Variants in FHIT observed in about 807,000 individuals in gnomAD.
FHIT encodes the protein fragile histidine triad diadenosine triphosphatase.
Under a neutral mutation model 17.9 loss-of-function variants are expected in FHIT, and 19 were observed. That is an observed-to-expected ratio of 1.06 (90% confidence interval 0.74 to 1.56). The LOEUF (loss-of-function observed/expected upper bound fraction) is 1.56. FHIT is among the 40% of genes most tolerant of loss of function. The probability of loss-of-function intolerance (pLI) is 0.00; values close to 1 mark genes in which losing one functional copy is unlikely to be tolerated. For synonymous variants in FHIT, 81 were observed against 69.7 expected, an observed-to-expected ratio of 1.16 and a Z score of -0.81; for missense variants, 248 against 189.2, an observed-to-expected ratio of 1.31 and a Z score of -1.82.
chr3:61,185,638 G>C (rs1161916622), intron 2 of FHIT, among the ~76,000 whole-genome samples: 1 of 152,144 alleles, frequency 6.6e-6, no homozygotes, highest in Non-Finnish European at 1.5e-5. Flanking sequence ...ACTGCAGCAG[G>C]AGATGAGGAT....
intron 5 of FHIT, among the ~76,000 whole-genome samples, chr3:60,214,578 G>T (rs1703609727): frequency 6.6e-6 from 1 of 152,090 alleles, no homozygotes; most frequent in Non-Finnish European, 1.5e-5. Context: ...ATGTAAATTA[G>T]TTCACTCACT....
intron 5 of FHIT, among the ~76,000 whole-genome samples, chr3:60,169,285 C>G: frequency 6.6e-6 from 1 of 152,156 alleles, no homozygotes. Context: ...GATCTCACAG[C>G]TTTCAGGGGT....
intron 1 of FHIT, among the ~76,000 whole-genome samples, chr3:61,208,072 A>G (rs2039313123): frequency 6.6e-6 from 1 of 151,362 alleles, no homozygotes; most frequent in African/African-American, 2.4e-5. Flanking sequence ...TTCGTTATGT[A>G]CCCCATAGTC....
intron 5 of FHIT, among the ~76,000 whole-genome samples, chr3:60,206,621 G>C (rs1703205175): frequency 6.6e-6 from 1 of 152,188 alleles, no homozygotes; most frequent in African/African-American, 2.4e-5. Context: ...ATCACGGAAT[G>C]CAGGACCCCT....
At chr3:60,221,042 A>G (rs1025282221) in intron 5 of FHIT, among the ~76,000 whole-genome samples, 1 of 152,188 alleles carries the variant, frequency 6.6e-6, no homozygotes, top group Non-Finnish European at 1.5e-5. Context: ...CATTTGGTAT[A>G]TGATGGCTTT....
intron 3 of FHIT, among the ~76,000 whole-genome samples, chr3:61,009,186 T>C (rs1235572752): frequency 6.6e-6 from 1 of 152,116 alleles, no homozygotes; most frequent in Non-Finnish European, 1.5e-5. Context: ...TGGGTCCCAT[T>C]GTGTCTCTTT....
chr3:61,177,312 T>A (rs1318367860), intron 2 of FHIT, among the ~76,000 whole-genome samples: 2 of 152,140 alleles, frequency 1.3e-5, no homozygotes, highest in African/African-American at 4.8e-5. Flanking sequence ...CCAAATTGTA[T>A]GAGCTTCCAA....
At chr3:60,737,233 G>A (rs148268015) in intron 4 of FHIT, among the ~76,000 whole-genome samples, 18 of 152,228 alleles carry the variant, frequency 1.2e-4, no homozygotes, top group Middle Eastern at 3.4e-3. Flanking sequence ...ATTATGAGCC[G>A]GATGCATTGT....
intron 5 of FHIT, 118 bp from the exon 6 acceptor site, chr3:60,014,270 G>A: frequency 1.1e-6 from 1 of 945,058 alleles, no homozygotes; most frequent in Non-Finnish European, 1.6e-6. Flanking sequence ...AAAGACTAAG[G>A]AATGAAGAAA....
chr3:61,043,388 T>C (rs867812562), intron 2 of FHIT, among the ~76,000 whole-genome samples: 73 of 152,208 alleles, frequency 4.8e-4, no homozygotes, highest in African/African-American at 1.7e-3. Context: ...AGCACAGCAG[T>C]CTGAGATCGA....
At chr3:61,151,635 G>A (rs2037395174) in intron 2 of FHIT, among the ~76,000 whole-genome samples, 2 of 148,448 alleles carry the variant, frequency 1.3e-5, no homozygotes, top group African/African-American at 2.5e-5. Context: ...GTGCAGTGAC[G>A]TGATCTTGGC....
In FHIT at chr3:60,988,868, T is replaced by C. The variant is rs578183129; in HGVS notation, c.-111+53179A>G. Among the ~76,000 whole-genome samples, 7 of 147,042 alleles carry C rather than the reference T, an allele frequency of 4.8e-5. No homozygotes were observed. The South Asian group carries it at 1.5e-3, about 31-fold the overall frequency. On this transcript the variant is annotated intron_variant, in intron 3 of 9. Coordinates refer to ENST00000492590, the MANE Select transcript of FHIT (RefSeq NM_002012.4). ...CTTGAGAACCTTAAATTCAATGCACTGTGTAGAATATAACCATGATTCTAA... is the reference window on the plus strand; with the variant it reads ...CTTGAGAACCTTAAATTCAATGCACCGTGTAGAATATAACCATGATTCTAA...
At chr3:60,098,818 G>A (rs940575502) in intron 5 of FHIT, among the ~76,000 whole-genome samples, 1 of 151,816 alleles carries the variant, frequency 6.6e-6, no homozygotes, top group Non-Finnish European at 1.5e-5. Context: ...TTATCAGTAA[G>A]GCTTCTGGTA....
chr3:60,550,924 A>G (rs2036524943), intron 4 of FHIT, among the ~76,000 whole-genome samples: 2 of 152,152 alleles, frequency 1.3e-5, no homozygotes, highest in Admixed American at 1.3e-4. Flanking sequence ...ACTTGAAGGA[A>G]ATGATCAAAA....
At chr3:60,124,221 A>AT (rs1050232138) in intron 5 of FHIT, among the ~76,000 whole-genome samples, 8 of 150,212 alleles carry the variant, frequency 5.3e-5, no homozygotes, top group Admixed American at 5.3e-4. Context: ...CCTGGCCTAC[A>AT]TTTTTTTTAA....
chr3:60,297,045 A>G (rs960046940), intron 5 of FHIT, among the ~76,000 whole-genome samples: 1 of 152,038 alleles, frequency 6.6e-6, no homozygotes, highest in African/African-American at 2.4e-5. Context: ...TAAATATTAC[A>G]AGTATGTAAG....
rs548426040 is a variant in FHIT at position 59,909,336 on chromosome 3, T to C, written c.348+13010A>G. 2.0e-5 allele frequency among the ~76,000 whole-genome samples: 3 copies of C among 151,982 alleles called. No individual in the cohort carries two copies. In the East Asian group the frequency reaches 5.9e-4, roughly 30 times the overall value. On this transcript the variant is annotated intron_variant, in intron 8 of 9. Transcript: ENST00000492590. ...CATGAGCCACTGCGCCCGGCCCTAC[T>C]TTTTATTTTTTTAGGTGGAGTCTGG...
intron 5 of FHIT, among the ~76,000 whole-genome samples, chr3:60,130,784 GGTGTGTA>G (rs759314055): frequency 9.0e-6 from 1 of 111,628 alleles, no homozygotes; most frequent in African/African-American, 3.0e-5. Context: ...GTGTGTGTGT[GGTGTGTA>G]TATACACACA....
intron 8 of FHIT, among the ~76,000 whole-genome samples, chr3:59,920,235 T>A (rs2367106): frequency 0.012 from 1,788 of 152,278 alleles, 40 homozygotes; most frequent in African/African-American, 0.041. Context: ...TAGATGCCAC[T>A]GGGATTTGAA....
Sources: allele counts gnomAD v4.1 joint callset (sites outside exome capture counted in the v4.1 genomes callset), GRCh38; gene constraint gnomAD v4.1.1; transcripts MANE v1.5; gene names NCBI Gene and HGNC (gene_info 2026-07-23, HGNC 2026-07-21).